DACH1: variants seen among roughly 807,000 people sequenced by gnomAD.
The protein encoded by DACH1 is dachshund family transcription factor 1, also known as dachshund homolog 1.
A neutral mutation model predicts 54.2 loss-of-function variants in DACH1; 12 were observed. The ratio of observed to expected loss-of-function variants is 0.22; its 90% CI spans 0.14 to 0.36. The LOEUF is 0.36. Ranked by LOEUF, DACH1 falls within the 10% of genes least tolerant of loss-of-function variation. The pLI is 1.00. For synonymous variants in DACH1, 386 were observed against 366.2 expected (o/e 1.05, Z -0.62); for missense variants, 805 against 929.8 (o/e 0.87, Z 1.75).
chr13:71,541,112 G>T (rs1883100837), intron 6 of DACH1, among the ~76,000 whole-genome samples: 1 of 151,824 alleles, frequency 6.6e-6, no homozygotes, highest in Admixed American at 6.6e-5. Context: ...TAAGTAATAA[G>T]TGCAAATTAT....
At chr13:71,687,481 A>T (rs918249718) in intron 1 of DACH1, among the ~76,000 whole-genome samples, 2 of 152,236 alleles carry the variant, frequency 1.3e-5, no homozygotes, top group Non-Finnish European at 2.9e-5. Context: ...ATAGAAAAAA[A>T]GACTGAAAGG....
chr13:71,821,310 T>C (rs960466562), intron 1 of DACH1, among the ~76,000 whole-genome samples: 1 of 151,830 alleles, frequency 6.6e-6, no homozygotes, highest in East Asian at 1.9e-4. Flanking sequence ...TACTACACAG[T>C]TTTCCTCTCC....
intron 3 of DACH1, among the ~76,000 whole-genome samples, chr13:71,606,641 T>C (rs538153854): frequency 6.6e-6 from 1 of 152,182 alleles, no homozygotes; most frequent in Admixed American, 6.6e-5. Flanking sequence ...ATGCCAACAC[T>C]GAATTGTTTT....
intron 7 of DACH1, among the ~76,000 whole-genome samples, chr13:71,486,807 T>A (rs1486655778): frequency 0.015 from 665 of 45,780 alleles, 4 homozygotes; most frequent in Non-Finnish European, 0.028. Flanking sequence ...AATTTATTTA[T>A]TTATTTATCT....
rs1873763092 is a variant in DACH1, at chr13:71,439,013, G to GT, written c.*1641_*1642insA. ...AAGAATTATGTTCCAGTATTGCAAG[G>GT]AAGACCTAAAAGGTATAGAAGCGTA... On this transcript the variant is annotated 3_prime_UTR_variant, in exon 11 of 11. Coordinates refer to ENST00000613252, the MANE Select transcript of DACH1 (RefSeq NM_080759.6). 1 of 152,396 alleles carries GT rather than the reference G, an allele frequency of 6.6e-6. No individual in the cohort carries two copies. The highest frequency in any genetic ancestry group is 2.4e-5 in the African/African-American group (1 of 41,434). The allele number at this position is 152,396 out of a possible 1,614,324, so 9.4% of individuals were successfully genotyped here.
At chr13:71,510,242 T>C (rs990059292) in intron 6 of DACH1, among the ~76,000 whole-genome samples, 5 of 152,084 alleles carry the variant, frequency 3.3e-5, no homozygotes, top group Non-Finnish European at 7.4e-5. Context: ...TTCTCTTTGC[T>C]ATACGAATCC....
intron 2 of DACH1, among the ~76,000 whole-genome samples, chr13:71,660,738 TGTTATGTTAG>T (rs1445579086): frequency 6.6e-6 from 1 of 151,926 alleles, no homozygotes; most frequent in Non-Finnish European, 1.5e-5. Flanking sequence ...AGCTGCCTTT[TGTTATGTTAG>T]ATTATGTTAG....
chr13:71,479,201 T>C lies in DACH1; in HGVS notation c.1838A>G (p.Glu613Gly). The change falls in exon 8 of 11, where the codon GAG (glutamate) becomes GGG (glycine). Residue 613 changes from glutamate (E) to glycine (G), a missense_variant. Around this residue, in one of 3 missense-constraint regions of DACH1, gnomAD observed 472 missense variants for 545.3 expected, o/e 0.87. Transcript: ENST00000613252. ...CTTTTGTTCCATAGCCAACTGCTTC[T>C]CAAGTGTTTCCCTTAGTTCTCTTTC... Reference protein sequence around the residue: ...LRERELRETLEKQLAMEQKNR... With the variant: ...LRERELRETLGKQLAMEQKNR... 1 of 1,613,484 alleles carries C rather than the reference T, an allele frequency of 6.2e-7. No individual in the cohort carries two copies. The highest frequency in any genetic ancestry group is 8.5e-7 in the Non-Finnish European group (1 of 1,179,794).
intron 4 of DACH1, among the ~76,000 whole-genome samples, chr13:71,567,366 T>G (rs1356123623): frequency 6.6e-6 from 1 of 152,066 alleles, no homozygotes; most frequent in African/African-American, 2.4e-5. Flanking sequence ...CTTTGCATAC[T>G]ATGCACTACA....
intron 1 of DACH1, among the ~76,000 whole-genome samples, chr13:71,818,451 G>T (rs541437472): frequency 6.6e-6 from 1 of 152,276 alleles, no homozygotes; most frequent in South Asian, 2.1e-4. Context: ...AGACAGTAAA[G>T]GACAGGCCAT....
intron 1 of DACH1, among the ~76,000 whole-genome samples, chr13:71,692,971 T>C (rs979707757): frequency 6.6e-6 from 1 of 152,158 alleles, no homozygotes; most frequent in African/African-American, 2.4e-5. Context: ...TTTACTGTAA[T>C]AGGGATTTGT....
intron 1 of DACH1, among the ~76,000 whole-genome samples, chr13:71,784,591 A>T (rs1194769722): frequency 6.6e-6 from 1 of 152,032 alleles, no homozygotes; most frequent in Admixed American, 6.6e-5. Context: ...ACTATTTCCA[A>T]TCTTTTGAAT....
intron 1 of DACH1, among the ~76,000 whole-genome samples, chr13:71,692,402 T>C (rs575126951): frequency 7.2e-5 from 11 of 152,038 alleles, no homozygotes; most frequent in Non-Finnish European, 1.6e-4. Context: ...GTTAGATATA[T>C]GATGGTAGGC....
chr13:71,572,271 A>G (rs1885261777), intron 4 of DACH1, among the ~76,000 whole-genome samples: 1 of 152,198 alleles, frequency 6.6e-6, no homozygotes, highest in Non-Finnish European at 1.5e-5. Flanking sequence ...ACAGATACAC[A>G]GGGATAGAGG....
chr13:71,599,639 C>T (rs1422479770), intron 3 of DACH1, among the ~76,000 whole-genome samples: 1 of 151,992 alleles, frequency 6.6e-6, no homozygotes, highest in East Asian at 1.9e-4. Context: ...GACTTTAATT[C>T]CCCTGAATGA....
At chr13:71,447,611 A>G (rs1293515294) in intron 10 of DACH1, among the ~76,000 whole-genome samples, 1 of 152,102 alleles carries the variant, frequency 6.6e-6, no homozygotes, top group East Asian at 1.9e-4. Flanking sequence ...AGGCGGGTGG[A>G]TCACGAGGTC....
intron 1 of DACH1, among the ~76,000 whole-genome samples, chr13:71,705,114 G>C (rs373016574): frequency 6.6e-6 from 1 of 152,136 alleles, no homozygotes; most frequent in East Asian, 1.9e-4. Context: ...GTGATCCATT[G>C]TGTTTGGAGA....
At chr13:71,682,084 T>G (rs1313586245) in intron 1 of DACH1, among the ~76,000 whole-genome samples, 174 bp from the exon 2 acceptor site, 1 of 152,240 alleles carries the variant, frequency 6.6e-6, no homozygotes, top group African/African-American at 2.4e-5. Flanking sequence ...GAATTCATTT[T>G]CCTCATTGAA....
intron 2 of DACH1, among the ~76,000 whole-genome samples, chr13:71,647,660 T>G (rs1878384386): frequency 6.6e-6 from 1 of 152,106 alleles, no homozygotes; most frequent in African/African-American, 2.4e-5. Context: ...AACATGGGGC[T>G]GAGACCTCCT....
Sources: allele counts gnomAD v4.1 joint callset (sites outside exome capture counted in the v4.1 genomes callset), GRCh38; gene constraint gnomAD v4.1.1; regional missense constraint gnomAD v4.1.1; transcripts MANE v1.5; gene names NCBI Gene and HGNC (gene_info 2026-07-23, HGNC 2026-07-21).